The following PIEZO2 variants were observed in gnomAD, a reference collection of about 807,000 sequenced individuals.
PIEZO2 encodes the protein piezo type mechanosensitive ion channel component 2, also known as piezo-type mechanosensitive ion channel component 2.
In PIEZO2, 172 loss-of-function variants were observed where a neutral mutation model predicts 337.3. The observed-to-expected ratio is 0.51, with a 90% CI of 0.45 to 0.58. The LOEUF (loss-of-function observed/expected upper bound fraction) is 0.58, where lower values mean the gene tolerates loss of function less well. PIEZO2 is among the 20% of genes least tolerant of loss of function. The pLI is 0.00. For missense variants in PIEZO2, 3,028 were observed against 3,391.3 expected, an observed-to-expected ratio of 0.89 and a Z score of 2.66; for synonymous variants, 1,251 against 1,228.5, an observed-to-expected ratio of 1.02 and a Z score of -0.38.
At chr18:10,804,136 A>G (rs1320392805) in intron 8 of PIEZO2, 142 bp from the exon 9 acceptor site, 1 of 1,065,658 alleles carries the variant, frequency 9.4e-7, no homozygotes, top group Non-Finnish European at 1.3e-6. Context: ...TTTTATCAAG[A>G]CACTTTAAAA....
chr18:10,998,777 G>A (rs2035426470), intron 2 of PIEZO2, among the ~76,000 whole-genome samples: 1 of 149,128 alleles, frequency 6.7e-6, no homozygotes, highest in East Asian at 2.0e-4. Context: ...TAACAATAAG[G>A]AAAGGAAGTA....
chr18:10,879,304 T>C lies in PIEZO2; in HGVS notation c.330-7889A>G, dbSNP rs940949173. ...TAAGCTGCACTGTTTTCCAGGTGCA[T>C]GACAATGACGTGTTTTACACGGAAG... On this transcript the variant is annotated intron_variant, in intron 4 of 55. Transcript: ENST00000674853. Among the ~76,000 whole-genome samples the C allele has an allele frequency of 2.0e-5, 3 of 152,078 alleles. No individual in the cohort carries two copies. In the East Asian group the frequency reaches 5.8e-4, roughly 29 times the overall value.
rs2035833395 is a variant in PIEZO2 at position 11,009,763 on chromosome 18, C to G, written c.161-30103G>C. Among the ~76,000 whole-genome samples, 1 of 152,002 alleles carries G rather than the reference C, an allele frequency of 6.6e-6. No homozygotes were observed. The highest frequency in any genetic ancestry group is 1.5e-5 in the Non-Finnish European group (1 of 68,010). ...GCCTTTAAAGAGGTAATTCAGGTAGCACGAGGTCATAGAGGTGGGCCTAAT... is the reference window on the plus strand; with the variant it reads ...GCCTTTAAAGAGGTAATTCAGGTAGGACGAGGTCATAGAGGTGGGCCTAAT... On this transcript the variant is annotated intron_variant, in intron 2 of 55. Coordinates refer to ENST00000674853, the MANE Select transcript of PIEZO2 (RefSeq NM_001378183.1). The surrounding 1 kb of genome is among the most constrained non-coding windows in gnomAD (Gnocchi z 4.6).
intron 7 of PIEZO2, among the ~76,000 whole-genome samples, chr18:10,818,126 A>C (rs139917036): frequency 2.2e-4 from 33 of 152,256 alleles, no homozygotes; most frequent in African/African-American, 7.5e-4. Flanking sequence ...CAACAAGGAG[A>C]TAGAAATCAC....
chr18:10,848,748 C>T (rs114027169), intron 7 of PIEZO2, among the ~76,000 whole-genome samples: 7 of 152,272 alleles, frequency 4.6e-5, no homozygotes, highest in Non-Finnish European at 7.4e-5. Context: ...GACAACTTAA[C>T]GAATTGTTCA....
intron 5 of PIEZO2, among the ~76,000 whole-genome samples, chr18:10,857,881 T>A (rs572365208): frequency 6.6e-6 from 1 of 152,346 alleles, no homozygotes; most frequent in African/African-American, 2.4e-5. Flanking sequence ...TATTTTAAAC[T>A]GGGTATGCTA....
chr18:11,071,815 T>C (rs996103078), intron 1 of PIEZO2, among the ~76,000 whole-genome samples: 4 of 152,166 alleles, frequency 2.6e-5, no homozygotes, highest in Non-Finnish European at 5.9e-5. Flanking sequence ...GGCCGGATCA[T>C]GCCAGGCCTT....
chr18:11,134,062 G>A (rs1230598213), intron 1 of PIEZO2, among the ~76,000 whole-genome samples: 2 of 152,134 alleles, frequency 1.3e-5, no homozygotes, highest in East Asian at 3.9e-4. Context: ...GAGGGTTTAA[G>A]GCAGAGGAAT....
intron 36 of PIEZO2, among the ~76,000 whole-genome samples, chr18:10,729,111 G>A (rs763386522): frequency 2.0e-5 from 3 of 152,052 alleles, no homozygotes; most frequent in East Asian, 1.9e-4. Context: ...CAGATTATAC[G>A]TGTACCTCTT....
In PIEZO2 at chr18:10,913,384, A is replaced by C. The variant is rs1173428049; in HGVS notation, c.287-2156T>G. On this transcript the variant is annotated intron_variant, in intron 3 of 55. Coordinates refer to ENST00000674853, the MANE Select transcript of PIEZO2 (RefSeq NM_001378183.1). ...ATGGCCAAGCACAGGCCAAGTGTGG[A>C]GGGTCCCCGGAGGGAAGGATTGGAC... Among the ~76,000 whole-genome samples, 3 of 152,220 alleles carry C rather than the reference A, an allele frequency of 2.0e-5. No individual in the cohort carries two copies. The East Asian group carries it at 5.8e-4, about 29-fold the overall frequency.
intron 2 of PIEZO2, among the ~76,000 whole-genome samples, chr18:11,029,404 T>C (rs964627788): frequency 5.9e-5 from 9 of 152,198 alleles, no homozygotes; most frequent in Non-Finnish European, 1.3e-4. Context: ...AAATTAGATG[T>C]TTGAAGTGTG....
intron 35 of PIEZO2, among the ~76,000 whole-genome samples, chr18:10,733,854 G>A (rs1192084396): frequency 6.6e-6 from 1 of 152,160 alleles, no homozygotes; most frequent in African/African-American, 2.4e-5. Context: ...AAAATACATG[G>A]AAATTTACAT....
At chr18:10,686,607 T>C (rs1237507857) in intron 49 of PIEZO2, among the ~76,000 whole-genome samples, 1 of 152,216 alleles carries the variant, frequency 6.6e-6, no homozygotes, top group Non-Finnish European at 1.5e-5. Flanking sequence ...GAACAGACAC[T>C]GAGCTTGCCA....
Position 10,704,429 on chromosome 18 carries a change from G to T in PIEZO2, c.6223C>A (p.Arg2075Ser). ...ACGATGGCCATCATCCAGAACCGGC[G>T]GCTGGGCCTGGGGACGGACAACATG... ...WAMLSVPRPSRRFWMMAIVYT... is the reference protein window; with the variant it reads ...WAMLSVPRPSSRFWMMAIVYT... The change falls in exon 42 of 56, where the codon CGC (arginine) becomes AGC (serine). Residue 2075 changes from arginine (R) to serine (S), a missense_variant. By Grantham distance (110) the Arg-to-Ser change is moderately radical. Transcript: ENST00000674853. 6.5e-7 allele frequency: 1 copy of T among 1,537,214 alleles called. No individual in the cohort carries two copies.
In PIEZO2 at chr18:11,128,620, C is replaced by T. The variant is rs575734926; in HGVS notation, c.64+19905G>A. Among the ~76,000 whole-genome samples, 5 of 152,290 alleles carry T rather than the reference C, an allele frequency of 3.3e-5. No individual in the cohort carries two copies. Among genetic ancestry groups the T allele is most frequent in the Admixed American group, 6.5e-5 (1 of 15,300 alleles). On this transcript the variant is annotated intron_variant, in intron 1 of 55. Transcript: ENST00000674853. The surrounding 1 kb of genome is among the most constrained non-coding windows in gnomAD (Gnocchi z 4.1). ...CCTTTGTCTGAGGACATAAACCCTG[C>T]GCTGCCTGAGGCAACAGTGATGGCC...
rs1188744670 is a variant in PIEZO2 at position 10,795,341 on chromosome 18, ATTTTATTTTATTATTTTATT to A, written c.1528-359_1528-340del. Among the ~76,000 whole-genome samples, 23 of 22,044 alleles carry A rather than the reference ATTTTATTTTATTATTTTATT, an allele frequency of 1.0e-3. No individual in the cohort carries two copies. Among genetic ancestry groups the A allele is most frequent in the Admixed American group, 1.8e-3 (3 of 1,714 alleles). 14.5% of individuals were successfully genotyped at this position (22,044 alleles called of 152,430 possible). On this transcript the variant is annotated intron_variant, in intron 12 of 55. Transcript: ENST00000674853. The surrounding 1 kb of genome is among the most constrained non-coding windows in gnomAD (Gnocchi z 4.4). ...ATTTTATTTTATTTTATTTTATTTTATTTTATTTTATTATTTTATTTTATTTTATTTTATTTTATTTTATT... is the reference window on the plus strand; with the variant it reads ...ATTTTATTTTATTTTATTTTATTTTATTATTTTATTTTATTTTATTTTATT...
rs972248277 is a variant in PIEZO2, at chr18:11,023,565, G to A, written c.160+42562C>T. Among the ~76,000 whole-genome samples, 8 of 152,380 alleles carry A rather than the reference G, an allele frequency of 5.3e-5. No homozygotes were observed. In the South Asian group the frequency reaches 1.2e-3, roughly 24 times the overall value. ...AAAGGTTCTCCAAGTCCCCACCAGA[G>A]TCAGGAGCCCAGCTGGCTTCACCCA... is the stretch of plus-strand genomic sequence containing the variant. On this transcript the variant is annotated intron_variant, in intron 2 of 55. Coordinates refer to ENST00000674853, the MANE Select transcript of PIEZO2 (RefSeq NM_001378183.1).
chr18:10,911,033 G>A (rs1323223256), intron 4 of PIEZO2, among the ~76,000 whole-genome samples, 153 bp downstream of exon 4: 3 of 150,678 alleles, frequency 2.0e-5, no homozygotes, highest in African/African-American at 7.3e-5. Context: ...AAGAAACTGA[G>A]GCTCGGAGGG....
In PIEZO2 at chr18:10,696,983, T is replaced by C. The variant is rs376748204; in HGVS notation, c.6828-444A>G. ...GGTGGGAAGTAAATGAGGGAATGCA[T>C]GAGGGCGCTCAGACTTGGAGTGCTT... On this transcript the variant is annotated intron_variant, in intron 45 of 55. Coordinates refer to ENST00000674853, the MANE Select transcript of PIEZO2 (RefSeq NM_001378183.1). 8.3e-4 allele frequency among the ~76,000 whole-genome samples: 127 copies of C among 152,260 alleles called. 1 individual carries two copies. Among genetic ancestry groups the C allele is most frequent in the African/African-American group, 2.8e-3 (117 of 41,560 alleles).
Sources: gnomAD v4.1 joint callset for allele counts (sites outside exome capture counted in the v4.1 genomes callset) on GRCh38, gnomAD v4.1.1 for gene constraint, Gnocchi (gnomAD v3.1) non-coding constraint, MANE v1.5 for transcripts, NCBI Gene and HGNC (gene_info 2026-07-23, HGNC 2026-07-21) for gene names.